The following ARHGAP42 variants were observed in gnomAD, a reference collection of about 807,000 sequenced individuals.
ARHGAP42 encodes Rho GTPase activating protein 42.
ARHGAP42 carries 63 observed loss-of-function variants against 125.0 expected under a neutral mutation model. The ratio of observed to expected loss-of-function variants is 0.50; its 90% CI spans 0.41 to 0.62. The LOEUF (loss-of-function observed/expected upper bound fraction) is 0.62. Among genes scored for constraint, ARHGAP42 ranks in the 20% least tolerant of loss-of-function variants. The pLI is 0.00. For synonymous variants in ARHGAP42, 339 were observed against 351.0 expected, an observed-to-expected ratio of 0.97 and a Z score of 0.38; for missense variants, 766 against 1,024.2, an observed-to-expected ratio of 0.75 and a Z score of 3.44.
At chr11:100,956,147 G>A (rs1857798440) in intron 12 of ARHGAP42, among the ~76,000 whole-genome samples, 1 of 149,042 alleles carries the variant, frequency 6.7e-6, no homozygotes, top group African/African-American at 2.5e-5. Context: ...TGCTGCCTTT[G>A]TTATGTGAAT....
intron 4 of ARHGAP42, among the ~76,000 whole-genome samples, chr11:100,868,309 A>G (rs1463994710): frequency 6.6e-6 from 1 of 152,220 alleles, no homozygotes; most frequent in Non-Finnish European, 1.5e-5. Context: ...AACTTCTGTT[A>G]GTGGCACTGA....
chr11:100,966,505 A>C (rs186297065), intron 17 of ARHGAP42, among the ~76,000 whole-genome samples: 109 of 152,142 alleles, frequency 7.2e-4, no homozygotes, highest in African/African-American at 2.5e-3. Context: ...TACTCTGGGA[A>C]CTCAGTTTTT....
intron 2 of ARHGAP42, among the ~76,000 whole-genome samples, chr11:100,794,236 C>T (rs1863651805): frequency 6.6e-6 from 1 of 151,852 alleles, no homozygotes; most frequent in South Asian, 2.1e-4. Flanking sequence ...TCCATAATTG[C>T]CATTTGGACC....
At chr11:100,955,227 AC>A (rs569340602) in intron 12 of ARHGAP42, among the ~76,000 whole-genome samples, 719 of 38,224 alleles carry the variant, frequency 0.019, 3 homozygotes, top group Non-Finnish European at 0.029. Flanking sequence ...TGAACAGTTT[AC>A]AGAGGGGGAA....
intron 22 of ARHGAP42, among the ~76,000 whole-genome samples, chr11:100,981,610 G>A (rs1591339126): frequency 6.6e-6 from 1 of 152,204 alleles, no homozygotes; most frequent in African/African-American, 2.4e-5. Context: ...TGCAGGCACT[G>A]CAGGTCATTG....
intron 4 of ARHGAP42, among the ~76,000 whole-genome samples, chr11:100,887,050 T>C (rs1866107875): frequency 6.6e-6 from 1 of 152,200 alleles, no homozygotes; most frequent in Non-Finnish European, 1.5e-5. Context: ...ATGTCAGTAC[T>C]CAGGATGGTA....
rs200379875 is a variant in ARHGAP42, at chr11:100,698,705, AATTT to A, written c.154+10878_154+10881del. On this transcript the variant is annotated intron_variant, in intron 1 of 23. Coordinates refer to ENST00000298815, the MANE Select transcript of ARHGAP42 (RefSeq NM_152432.4). ...TTAAAAAAAAGGGTCATTTTTAAAA[AATTT>A]ATTTTTCATTTTTTTATAATTGGTT... 5.5e-3 allele frequency among the ~76,000 whole-genome samples: 831 copies of A among 152,286 alleles called. 5 individuals carry two copies. The highest frequency in any genetic ancestry group is 0.018 in the African/African-American group (761 of 41,548).
intron 10 of ARHGAP42, among the ~76,000 whole-genome samples, chr11:100,945,572 A>G (rs1168762058): frequency 6.6e-6 from 1 of 152,064 alleles, no homozygotes; most frequent in African/African-American, 2.4e-5. Flanking sequence ...GCTACATAAT[A>G]TATGTTGTGT....
intron 2 of ARHGAP42, among the ~76,000 whole-genome samples, chr11:100,787,488 A>G (rs1421249511): frequency 1.3e-5 from 2 of 152,204 alleles, no homozygotes; most frequent in African/African-American, 2.4e-5. Flanking sequence ...ACAGACTAAC[A>G]TAAGTTGTTA....
At chr11:100,867,539 T>C (rs1865599293) in intron 4 of ARHGAP42, among the ~76,000 whole-genome samples, 1 of 152,256 alleles carries the variant, frequency 6.6e-6, no homozygotes, top group Non-Finnish European at 1.5e-5. Context: ...CTTCATGGAA[T>C]TGAAGCGAGT....
At chr11:100,927,979 A>G (rs2155442) in intron 6 of ARHGAP42, among the ~76,000 whole-genome samples, 134,327 of 152,240 alleles carry the variant, frequency 0.88, 59,347 homozygotes, top group East Asian at 1. Flanking sequence ...GATTCGATTT[A>G]TATATGCTTT....
intron 17 of ARHGAP42, among the ~76,000 whole-genome samples, chr11:100,970,331 C>T (rs573724355): frequency 6.6e-6 from 1 of 152,054 alleles, no homozygotes. Context: ...AAGTCTATTT[C>T]CCCCTCTGTG....
rs1868083421 is a variant in ARHGAP42 at position 100,948,494 on chromosome 11, A to G, written c.1081A>G (p.Asn361Asp). ...IITLQAFSEA[N>D]RKLWLEAMDG... is the part of the protein sequence containing the mutation. ...CACGTTACAGGCCTTCTCAGAAGCT[A>G]ATAGGAAACTCTGGCTTGAAGCCAT... Residue 361 changes from asparagine to aspartate, a missense_variant, in exon 11 of 24, where the codon AAT becomes GAT. Physicochemically the swap from Asn to Asp is conservative, Grantham distance 23. Transcript: ENST00000298815. 5.8e-6 allele frequency: 9 copies of G among 1,550,196 alleles called. No homozygotes were observed. The East Asian group carries it at 2.2e-4, about 38-fold the overall frequency.
chr11:100,713,294 G>A (rs1051559788), intron 1 of ARHGAP42, among the ~76,000 whole-genome samples: 1 of 152,162 alleles, frequency 6.6e-6, no homozygotes, highest in African/African-American at 2.4e-5. Flanking sequence ...TGTCTTTGAA[G>A]TCACAGATAT....
intron 3 of ARHGAP42, among the ~76,000 whole-genome samples, chr11:100,837,666 C>A (rs12286861): frequency 0.31 from 19,131 of 62,198 alleles, 1,862 homozygotes; most frequent in Admixed American, 0.36. Context: ...AGGTGTCATC[C>A]TTTTTTTTTT....
At chr11:100,898,745 A>C (rs1051741882) in intron 4 of ARHGAP42, among the ~76,000 whole-genome samples, 2 of 152,018 alleles carry the variant, frequency 1.3e-5, no homozygotes, top group Non-Finnish European at 2.9e-5. Flanking sequence ...CTTCTTTATT[A>C]GTCTTGCTAG....
chr11:100,822,255 A>T (rs972031900), intron 3 of ARHGAP42, among the ~76,000 whole-genome samples: 9 of 152,184 alleles, frequency 5.9e-5, no homozygotes, highest in Middle Eastern at 3.2e-3. Context: ...TACAAATTTT[A>T]GAGTGTATCT....
At chr11:100,925,913 G>C (rs529007150) in intron 6 of ARHGAP42, among the ~76,000 whole-genome samples, 1 of 152,220 alleles carries the variant, frequency 6.6e-6, no homozygotes, top group Non-Finnish European at 1.5e-5. Context: ...AACATCTCCT[G>C]ACTCTTGGTT....
At chr11:100,828,986 G>A (rs1462627301) in intron 3 of ARHGAP42, among the ~76,000 whole-genome samples, 7 of 152,148 alleles carry the variant, frequency 4.6e-5, no homozygotes, top group Admixed American at 1.3e-4. Flanking sequence ...ACACAATAGT[G>A]GCTTAAATCA....
Sources: allele counts gnomAD v4.1 joint callset (sites outside exome capture counted in the v4.1 genomes callset), GRCh38; gene constraint gnomAD v4.1.1; transcripts MANE v1.5; gene names NCBI Gene and HGNC (gene_info 2026-07-23, HGNC 2026-07-21).